The following FLRT2 variants were observed in gnomAD, a reference collection of about 807,000 sequenced individuals.
FLRT2 encodes fibronectin leucine rich transmembrane protein 2, also known as leucine-rich repeat transmembrane protein FLRT2.
Under a neutral mutation model 40.0 loss-of-function variants are expected in FLRT2, and 15 were observed. The observed-to-expected ratio is 0.38, with a 90% CI of 0.25 to 0.58. The LOEUF is 0.58. Ranked by LOEUF, FLRT2 falls within the 20% of genes least tolerant of loss-of-function variation. The probability of loss-of-function intolerance (pLI) is 0.71; values close to 1 mark genes in which losing one functional copy is unlikely to be tolerated. For synonymous variants in FLRT2, 380 were observed against 336.8 expected, an observed-to-expected ratio of 1.13 and a Z score of -1.41; for missense variants, 726 against 840.0, an observed-to-expected ratio of 0.86 and a Z score of 1.68.
intron 1 of FLRT2, among the ~76,000 whole-genome samples, chr14:85,558,333 AT>A (rs1008740480): frequency 1.3e-5 from 2 of 152,172 alleles, no homozygotes; most frequent in African/African-American, 4.8e-5. Context: ...TCAAAAATAA[AT>A]TTTTTAAAAA....
At chr14:85,565,735 C>A in intron 1 of FLRT2, among the ~76,000 whole-genome samples, 1 of 152,004 alleles carries the variant, frequency 6.6e-6, no homozygotes, top group Non-Finnish European at 1.5e-5. Context: ...TTAAAAGAAT[C>A]CTAGATTGAA....
At chr14:85,565,867 T>A (rs539907461) in intron 1 of FLRT2, among the ~76,000 whole-genome samples, 67 of 152,310 alleles carry the variant, frequency 4.4e-4, no homozygotes, top group South Asian at 3.9e-3. Flanking sequence ...CCATGAGGTC[T>A]TATCTTAATG....
In FLRT2 at chr14:85,623,692, A is replaced by G. The variant is rs1893536153; in HGVS notation, c.*195A>G. ...GTGCTATCTTTTCTATTTCAAGTTA[A>G]TTACAAACAGTTTTGTAACTCTTTG... is the stretch of plus-strand genomic sequence containing the variant. On this transcript the variant is annotated 3_prime_UTR_variant, in exon 2 of 2. Transcript: ENST00000330753. The G allele has an allele frequency of 4.4e-6, 2 of 450,176 alleles. No individual in the cohort carries two copies. The highest frequency in any genetic ancestry group is 7.7e-6 in the Non-Finnish European group (2 of 259,010). The allele number at this position is 450,176 out of a possible 1,614,324, so 27.9% of individuals were successfully genotyped here.
At chr14:85,538,107 C>T (rs1381448517) in intron 1 of FLRT2, among the ~76,000 whole-genome samples, 4 of 152,006 alleles carry the variant, frequency 2.6e-5, no homozygotes, top group East Asian at 1.9e-4. Context: ...ATTGGAACTC[C>T]GTTATTTATT....
chr14:85,591,018 TTTC>T (rs147119113), intron 1 of FLRT2, among the ~76,000 whole-genome samples: 45,153 of 151,950 alleles, frequency 0.3, 7,441 homozygotes, highest in African/African-American at 0.44. Context: ...ATCATTTGTA[TTTC>T]TTCTTTATCT....
At chr14:85,606,341 A>G (rs1448250742) in intron 1 of FLRT2, among the ~76,000 whole-genome samples, 2 of 152,142 alleles carry the variant, frequency 1.3e-5, no homozygotes, top group Non-Finnish European at 2.9e-5. Context: ...TTTCTGCTAC[A>G]TATATCCCAC....
intron 1 of FLRT2, among the ~76,000 whole-genome samples, chr14:85,581,839 T>G (rs1409228529): frequency 6.6e-6 from 1 of 152,194 alleles, no homozygotes; most frequent in Non-Finnish European, 1.5e-5. Flanking sequence ...TTTGGAATCA[T>G]TTTGTAGTGT....
chr14:85,596,234 T>C (rs550988244), intron 1 of FLRT2, among the ~76,000 whole-genome samples: 1 of 152,312 alleles, frequency 6.6e-6, no homozygotes, highest in East Asian at 1.9e-4. Context: ...TATCTTCTCT[T>C]CCAGATCTGG....
rs1004120294 is a variant in FLRT2, at chr14:85,650,109, C to A, written c.*26612C>A. The A allele has an allele frequency of 9.2e-5, 14 of 152,106 alleles. No individual in the cohort carries two copies. Among genetic ancestry groups the A allele is most frequent in the African/African-American group, 3.4e-4 (14 of 41,540 alleles). 9.4% of individuals were successfully genotyped at this position (152,106 alleles called of 1,614,324 possible). On this transcript the variant is annotated 3_prime_UTR_variant, in exon 2 of 2. Coordinates refer to ENST00000330753, the MANE Select transcript of FLRT2 (RefSeq NM_013231.6). ...TTGAACCCCTCACCTGTCACACTATCCTCTTTGCTTTGTCAAATACTTACT... is the reference window on the plus strand; with the variant it reads ...TTGAACCCCTCACCTGTCACACTATACTCTTTGCTTTGTCAAATACTTACT...
At chr14:85,590,311 C>T (rs191074996) in intron 1 of FLRT2, among the ~76,000 whole-genome samples, 154 of 152,172 alleles carry the variant, frequency 1.0e-3, no homozygotes, top group African/African-American at 3.3e-3. Flanking sequence ...ATGCCCTAGA[C>T]GAATTTCCTT....
intron 1 of FLRT2, among the ~76,000 whole-genome samples, chr14:85,581,535 G>A (rs8022059): frequency 0.81 from 122,626 of 152,162 alleles, 49,859 homozygotes; most frequent in African/African-American, 0.9. Context: ...CTGAGTCTTC[G>A]TGGGCCTTCA....
intron 1 of FLRT2, among the ~76,000 whole-genome samples, chr14:85,612,788 A>G (rs1892947413): frequency 6.6e-6 from 1 of 152,200 alleles, no homozygotes; most frequent in South Asian, 2.1e-4. Context: ...TGATACCAAA[A>G]TAGGCTTAAG....
intron 1 of FLRT2, among the ~76,000 whole-genome samples, chr14:85,580,450 C>A (rs1293787005): frequency 6.6e-6 from 1 of 151,814 alleles, no homozygotes; most frequent in Non-Finnish European, 1.5e-5. Flanking sequence ...GCATGCATGC[C>A]CCTTTATTAT....
At chr14:85,572,723 A>G (rs1890948459) in intron 1 of FLRT2, among the ~76,000 whole-genome samples, 1 of 152,158 alleles carries the variant, frequency 6.6e-6, no homozygotes, top group Non-Finnish European at 1.5e-5. Flanking sequence ...TTCTCATTCA[A>G]TACATTTCGT....
chr14:85,601,787 A>G (rs1444904188), intron 1 of FLRT2, among the ~76,000 whole-genome samples: 1 of 152,216 alleles, frequency 6.6e-6, no homozygotes, highest in Non-Finnish European at 1.5e-5. Context: ...AATAATTATA[A>G]TTATTACTGG....
In FLRT2 at chr14:85,623,620, A is replaced by G; in HGVS notation, c.*123A>G. 1.4e-6 allele frequency: 1 copy of G among 728,220 alleles called. No individual in the cohort carries two copies. Among genetic ancestry groups the G allele is most frequent in the Non-Finnish European group, 2.1e-6 (1 of 484,122 alleles). The allele number at this position is 728,220 out of a possible 1,614,324, so 45.1% of individuals were successfully genotyped here. On this transcript the variant is annotated 3_prime_UTR_variant, in exon 2 of 2. Transcript: ENST00000330753. ...TACACAGATGCATTTGTGCATTTGA[A>G]TACTCTGTAATTTATACGGTGTACT...
At chr14:85,595,474 G>C (rs1441453542) in intron 1 of FLRT2, among the ~76,000 whole-genome samples, 1 of 150,702 alleles carries the variant, frequency 6.6e-6, no homozygotes, top group African/African-American at 2.4e-5. Flanking sequence ...TGCCCGACAA[G>C]GTGCTTGGCA....
At chr14:85,612,561 G>T (rs1192795533) in intron 1 of FLRT2, among the ~76,000 whole-genome samples, 1 of 152,086 alleles carries the variant, frequency 6.6e-6, no homozygotes, top group Non-Finnish European at 1.5e-5. Flanking sequence ...GGGTTGGGGG[G>T]AAATGTCCTT....
chr14:85,536,543 TC>T (rs1302852713), intron 1 of FLRT2, among the ~76,000 whole-genome samples: 1 of 152,198 alleles, frequency 6.6e-6, no homozygotes, highest in African/African-American at 2.4e-5. Context: ...AGTTCCTTTT[TC>T]ACTAGATTAC....
Sources: allele counts gnomAD v4.1 joint callset (sites outside exome capture counted in the v4.1 genomes callset), GRCh38; gene constraint gnomAD v4.1.1; transcripts MANE v1.5; gene names NCBI Gene and HGNC (gene_info 2026-07-23, HGNC 2026-07-21).